IPO11: variants seen among roughly 807,000 people sequenced by gnomAD.
IPO11 encodes importin-11.
A neutral mutation model predicts 143.2 loss-of-function variants in IPO11; 66 were observed. The ratio of observed to expected loss-of-function variants is 0.46; its 90% confidence interval spans 0.38 to 0.57. The LOEUF is 0.57. IPO11 is among the 20% of genes least tolerant of loss of function. IPO11 has a pLI of 0.00. For missense variants in IPO11, 1,026 were observed against 1,141.0 expected (o/e 0.90, Z 1.45); for synonymous variants, 385 against 377.8 (o/e 1.02, Z -0.22).
chr5:62,490,083 C>A, intron 14 of IPO11, 32 bp from the exon 15 acceptor site: 1 of 1,387,644 alleles, frequency 7.2e-7, no homozygotes. Flanking sequence ...TATCTGAAAC[C>A]TTTAATTTTT....
chr5:62,422,140 T>A (rs1743535893), intron 1 of IPO11, among the ~76,000 whole-genome samples: 1 of 152,226 alleles, frequency 6.6e-6, no homozygotes, highest in Non-Finnish European at 1.5e-5. Flanking sequence ...TATTTATTTA[T>A]TTTTTGAGAT....
intron 16 of IPO11, among the ~76,000 whole-genome samples, chr5:62,497,621 A>C (rs114369344): frequency 3.3e-4 from 50 of 152,244 alleles, no homozygotes; most frequent in African/African-American, 1.2e-3. Flanking sequence ...GGAGTGTACC[A>C]CTATGCCTGG....
intron 27 of IPO11, among the ~76,000 whole-genome samples, chr5:62,583,522 A>G (rs1379397541): frequency 3.9e-5 from 6 of 152,290 alleles, no homozygotes; most frequent in Admixed American, 1.3e-4. Flanking sequence ...ATTAATATCA[A>G]TTTATATATG....
At chr5:62,459,072 C>T (rs532521783) in intron 5 of IPO11, among the ~76,000 whole-genome samples, 1 of 152,044 alleles carries the variant, frequency 6.6e-6, no homozygotes. Context: ...AAGGGCCCAC[C>T]CAGGGAGTAG....
intron 1 of IPO11, chr5:62,422,651 C>T (rs927327645): frequency 1.3e-5 from 2 of 152,118 alleles, no homozygotes; most frequent in African/African-American, 2.4e-5. Flanking sequence ...CTTGTATATA[C>T]CAAACAGGCA....
chr5:62,531,982 T>C (rs903135127), intron 22 of IPO11, among the ~76,000 whole-genome samples: 1 of 152,204 alleles, frequency 6.6e-6, no homozygotes, highest in Non-Finnish European at 1.5e-5. Context: ...AGTTCTGTTC[T>C]ACCTAACTTG....
At chr5:62,618,439 A>G (rs1746221298) in intron 29 of IPO11, among the ~76,000 whole-genome samples, 1 of 152,190 alleles carries the variant, frequency 6.6e-6, no homozygotes, top group African/African-American at 2.4e-5. Flanking sequence ...GCCTTAGAAA[A>G]ATAGAAGACA....
chr5:62,544,237 T>C (rs1052973380), intron 24 of IPO11, among the ~76,000 whole-genome samples: 1 of 151,842 alleles, frequency 6.6e-6, no homozygotes, highest in African/African-American at 2.4e-5. Context: ...CAGCAGCACA[T>C]CAAAAAGCTC....
chr5:62,415,624 A>G (rs372285189), intron 1 of IPO11, among the ~76,000 whole-genome samples: 10 of 151,936 alleles, frequency 6.6e-5, no homozygotes, highest in Admixed American at 3.3e-4. Flanking sequence ...ATGCACCGCC[A>G]TGCCCAGCTA....
intron 22 of IPO11, among the ~76,000 whole-genome samples, chr5:62,536,414 T>TATTC (rs33998415): frequency 0.01 from 1,271 of 125,884 alleles, 9 homozygotes; most frequent in Non-Finnish European, 0.011. Context: ...TTGATACCAG[T>TATTC]ATTCATTCAT....
chr5:62,517,955 A>T (rs1239461032), intron 20 of IPO11, among the ~76,000 whole-genome samples: 1 of 152,110 alleles, frequency 6.6e-6, no homozygotes, highest in East Asian at 1.9e-4. Flanking sequence ...ATAATACCAA[A>T]ATTGAGACTG....
intron 7 of IPO11, among the ~76,000 whole-genome samples, chr5:62,470,816 C>CTT (rs70981015): frequency 0.01 from 653 of 62,528 alleles, 145 homozygotes; most frequent in East Asian, 0.054. Flanking sequence ...TAGCCATCTT[C>CTT]TTTTTTTTTT....
intron 16 of IPO11, among the ~76,000 whole-genome samples, chr5:62,496,768 A>G (rs1561335160): frequency 6.6e-6 from 1 of 152,248 alleles, no homozygotes. Context: ...ATGTGTATAC[A>G]TATGTGTCAC....
intron 21 of IPO11, chr5:62,526,865 C>T (rs949243609): frequency 1.9e-4 from 29 of 152,074 alleles, no homozygotes; most frequent in African/African-American, 6.5e-4. Context: ...TTCAATAATA[C>T]ATGAAAAGTT....
chr5:62,481,257 C>G (rs1746200777), intron 9 of IPO11, among the ~76,000 whole-genome samples: 2 of 152,154 alleles, frequency 1.3e-5, no homozygotes, highest in African/African-American at 4.8e-5. Flanking sequence ...TTATTTCTTT[C>G]TCTTGCCTGA....
At chr5:62,414,927 C>T (rs565713635) in intron 1 of IPO11, among the ~76,000 whole-genome samples, 30 of 152,240 alleles carry the variant, frequency 2.0e-4, no homozygotes, top group African/African-American at 6.0e-4. Context: ...AAGGTAAGTG[C>T]CTTGCATAAG....
At chr5:62,598,696 C>T (rs1017092350) in intron 28 of IPO11, among the ~76,000 whole-genome samples, 2 of 150,802 alleles carry the variant, frequency 1.3e-5, no homozygotes, top group Non-Finnish European at 2.9e-5. Context: ...AGGCACGTGC[C>T]ACCACGCCTG....
intron 29 of IPO11, among the ~76,000 whole-genome samples, chr5:62,609,590 G>C (rs2112462458): frequency 6.6e-6 from 1 of 152,348 alleles, no homozygotes; most frequent in Non-Finnish European, 1.5e-5. Flanking sequence ...GGAGCTCCTA[G>C]ACCAGTGTAG....
intron 10 of IPO11, 45 bp downstream of exon 10, chr5:62,483,338 G>A (rs770362157): frequency 2.5e-6 from 3 of 1,179,360 alleles, no homozygotes; most frequent in South Asian, 1.6e-5. Flanking sequence ...TTAATCTTAA[G>A]TGTGATATAA....
Sources: allele counts gnomAD v4.1 joint callset (sites outside exome capture counted in the v4.1 genomes callset), GRCh38; gene constraint gnomAD v4.1.1; transcripts MANE v1.5; gene names NCBI Gene and HGNC (gene_info 2026-07-23, HGNC 2026-07-21).